MSRB3: variants seen among roughly 807,000 people sequenced by gnomAD.
MSRB3 encodes the protein methionine sulfoxide reductase B3.
In MSRB3, 13 loss-of-function variants were observed where a neutral mutation model predicts 21.0. The ratio of observed to expected loss-of-function variants is 0.62; its 90% confidence interval spans 0.40 to 0.98. MSRB3 has a LOEUF of 0.98. Among genes scored for constraint, MSRB3 ranks in the 50% least tolerant of loss-of-function variants. The pLI is 0.00. For synonymous variants in MSRB3, 87 were observed against 88.6 expected (o/e 0.98, Z 0.10); for missense variants, 199 against 230.3 (o/e 0.86, Z 0.88).
chr12:65,404,415 A>C (rs921282962), intron 5 of MSRB3, among the ~76,000 whole-genome samples: 4 of 152,242 alleles, frequency 2.6e-5, no homozygotes, highest in African/African-American at 4.8e-5. Context: ...TTCACTCATC[A>C]GTAAGTTATA....
intron 4 of MSRB3, among the ~76,000 whole-genome samples, chr12:65,331,666 C>G (rs757132603): frequency 3.3e-5 from 5 of 152,182 alleles, no homozygotes; most frequent in African/African-American, 1.2e-4. Flanking sequence ...TGCTGCTCAT[C>G]GCTGTGCACA....
chr12:65,462,133 A>G (rs1015114835), intron 6 of MSRB3, among the ~76,000 whole-genome samples: 6 of 152,182 alleles, frequency 3.9e-5, no homozygotes, highest in African/African-American at 1.4e-4. Context: ...GAATGAATGG[A>G]AGTCATTTAC....
intron 5 of MSRB3, among the ~76,000 whole-genome samples, chr12:65,412,561 C>A (rs979565509): frequency 6.6e-6 from 1 of 151,980 alleles, no homozygotes; most frequent in East Asian, 1.9e-4. Flanking sequence ...TCATTGTACC[C>A]CCTGGATAAT....
chr12:65,425,314 ATCTG>A (rs1244135259), intron 5 of MSRB3, among the ~76,000 whole-genome samples: 1 of 151,958 alleles, frequency 6.6e-6, no homozygotes. Context: ...CATTTAGCCA[ATCTG>A]TCTTTTGATT....
chr12:65,458,537 C>T (rs1479853763), intron 6 of MSRB3, among the ~76,000 whole-genome samples: 3 of 152,196 alleles, frequency 2.0e-5, no homozygotes, highest in Admixed American at 6.5e-5. Context: ...CAGCACACTG[C>T]CTAATCTTTG....
chr12:65,383,997 A>G (rs906901279), intron 5 of MSRB3, among the ~76,000 whole-genome samples: 3 of 152,198 alleles, frequency 2.0e-5, no homozygotes, highest in African/African-American at 7.2e-5. Context: ...CTCGATAACA[A>G]TCAGCTTTAT....
intron 5 of MSRB3, among the ~76,000 whole-genome samples, chr12:65,385,597 T>A (rs1282440117): frequency 6.6e-6 from 1 of 152,028 alleles, no homozygotes; most frequent in Non-Finnish European, 1.5e-5. Flanking sequence ...CAAAATTAAA[T>A]AAAATAGCTT....
intron 5 of MSRB3, among the ~76,000 whole-genome samples, chr12:65,437,480 G>A (rs1882173812): frequency 6.6e-6 from 1 of 151,674 alleles, no homozygotes; most frequent in South Asian, 2.1e-4. Flanking sequence ...ACCAGCTTTT[G>A]GATTATATTA....
chr12:65,461,493 A>T (rs1037680161), intron 6 of MSRB3, among the ~76,000 whole-genome samples: 2 of 152,194 alleles, frequency 1.3e-5, no homozygotes, highest in Non-Finnish European at 2.9e-5. Context: ...TAATAAACTG[A>T]CAGAGTTTGC....
chr12:65,347,562 C>T (rs898595274), intron 4 of MSRB3, among the ~76,000 whole-genome samples: 1 of 151,942 alleles, frequency 6.6e-6, no homozygotes, highest in East Asian at 1.9e-4. Context: ...CTTTTCCTAG[C>T]TGAATACCCT....
chr12:65,354,668 C>A (rs566724360), intron 4 of MSRB3, among the ~76,000 whole-genome samples: 27 of 151,532 alleles, frequency 1.8e-4, no homozygotes, highest in Admixed American at 1.7e-3. Flanking sequence ...ACTACAAAGG[C>A]CAAAGGTAGA....
intron 5 of MSRB3, among the ~76,000 whole-genome samples, chr12:65,373,161 C>T (rs143589594): frequency 2.5e-4 from 38 of 152,248 alleles, no homozygotes; most frequent in South Asian, 1.5e-3. Flanking sequence ...ATGCACGTCT[C>T]TCAAACACAA....
intron 5 of MSRB3, among the ~76,000 whole-genome samples, chr12:65,430,281 A>T (rs1400429982): frequency 6.6e-6 from 1 of 152,168 alleles, no homozygotes; most frequent in Non-Finnish European, 1.5e-5. Context: ...TATAGAATCA[A>T]ACCAAAATAG....
intron 6 of MSRB3, among the ~76,000 whole-genome samples, chr12:65,454,537 G>A (rs565759640): frequency 6.6e-6 from 1 of 152,192 alleles, no homozygotes; most frequent in Non-Finnish European, 1.5e-5. Context: ...TGCCTCTACT[G>A]GCAGTGATCC....
intron 2 of MSRB3, among the ~76,000 whole-genome samples, chr12:65,310,783 G>A (rs1219541146): frequency 6.6e-6 from 1 of 152,218 alleles, no homozygotes; most frequent in Non-Finnish European, 1.5e-5. Context: ...TTATGGTACA[G>A]TGCTTAAGCA....
At chr12:65,404,526 A>G (rs751836422) in intron 5 of MSRB3, among the ~76,000 whole-genome samples, 26 of 152,190 alleles carry the variant, frequency 1.7e-4, no homozygotes, top group Non-Finnish European at 2.9e-4. Flanking sequence ...ACCTACATTT[A>G]TTCCTCCTAA....
At chr12:65,393,381 C>A (rs1391584797) in intron 5 of MSRB3, among the ~76,000 whole-genome samples, 1 of 152,110 alleles carries the variant, frequency 6.6e-6, no homozygotes, top group Non-Finnish European at 1.5e-5. Context: ...CGCCTGTAAT[C>A]CCAGCACTTT....
chr12:65,376,611 A>G (rs984697324), intron 5 of MSRB3, among the ~76,000 whole-genome samples: 5 of 151,950 alleles, frequency 3.3e-5, no homozygotes, highest in African/African-American at 1.2e-4. Flanking sequence ...GTTCTCACTC[A>G]TAAGTGGGAG....
intron 5 of MSRB3, among the ~76,000 whole-genome samples, chr12:65,377,847 T>C (rs185359982): frequency 1.1e-4 from 16 of 152,318 alleles, no homozygotes; most frequent in Non-Finnish European, 1.9e-4. Context: ...ATTTTTAGGT[T>C]AAGGGGATTA....
Sources: allele counts gnomAD v4.1 joint callset (sites outside exome capture counted in the v4.1 genomes callset), GRCh38; gene constraint gnomAD v4.1.1; transcripts MANE v1.5; gene names NCBI Gene and HGNC (gene_info 2026-07-23, HGNC 2026-07-21).